The following POFUT3 variants were observed in gnomAD, a reference collection of about 807,000 sequenced individuals.
POFUT3 encodes the protein GDP-fucose protein O-fucosyltransferase 3.
the POFUT3 span, among the ~76,000 whole-genome samples, chr8:33,402,991 G>A: frequency 6.6e-6 from 1 of 151,830 alleles, no homozygotes; most frequent in Non-Finnish European, 1.5e-5. Context: ...AGCCCAGGAG[G>A]CAGAGGTTAC....
chr8:33,436,147 T>C, the POFUT3 span: 3 of 1,228,744 alleles, frequency 2.4e-6, no homozygotes, highest in East Asian at 6.4e-5. Flanking sequence ...AGGTCTCAAC[T>C]TAGCAAGGTA....
the POFUT3 span, among the ~76,000 whole-genome samples, chr8:33,414,321 G>A: frequency 6.6e-6 from 1 of 152,002 alleles, no homozygotes; most frequent in African/African-American, 2.4e-5. Flanking sequence ...ACCTCCCCCA[G>A]AGCTCAGAGG....
the POFUT3 span, among the ~76,000 whole-genome samples, chr8:33,374,471 AATGAAACGTG>A: frequency 2.7e-4 from 41 of 152,200 alleles, no homozygotes; most frequent in South Asian, 4.1e-4. Context: ...GGAGGAGACT[AATGAAACGTG>A]ATGGTTTAAT....
the POFUT3 span, among the ~76,000 whole-genome samples, chr8:33,449,934 T>C: frequency 2.0e-3 from 228 of 112,816 alleles, no homozygotes; most frequent in African/African-American, 7.0e-3. Flanking sequence ...ATGAAGCTTT[T>C]CTTTTTTTTT....
the POFUT3 span, among the ~76,000 whole-genome samples, chr8:33,349,428 A>T: frequency 6.6e-6 from 1 of 152,040 alleles, no homozygotes; most frequent in Admixed American, 6.6e-5. Flanking sequence ...TTTATCCTTC[A>T]CACCCCTCCT....
chr8:33,357,434 A>G, the POFUT3 span, among the ~76,000 whole-genome samples: 1 of 151,904 alleles, frequency 6.6e-6, no homozygotes, highest in Non-Finnish European at 1.5e-5. Flanking sequence ...CAGAGAGAAA[A>G]CTAAAAAAAT....
the POFUT3 span, among the ~76,000 whole-genome samples, chr8:33,348,560 G>C: frequency 6.6e-6 from 1 of 152,190 alleles, no homozygotes; most frequent in Non-Finnish European, 1.5e-5. Flanking sequence ...TTCCACATTG[G>C]TGTATAACCT....
the POFUT3 span, among the ~76,000 whole-genome samples, chr8:33,423,213 C>G: frequency 1.3e-5 from 2 of 152,084 alleles, no homozygotes; most frequent in Non-Finnish European, 2.9e-5. Flanking sequence ...AACACTTTGA[C>G]CAAAAACCCT....
the POFUT3 span, among the ~76,000 whole-genome samples, chr8:33,355,931 T>C: frequency 6.6e-6 from 1 of 152,168 alleles, no homozygotes; most frequent in Non-Finnish European, 1.5e-5. Flanking sequence ...GTTTGGATTT[T>C]TGTTCTTGCG....
At chr8:33,346,508 TTC>T in the POFUT3 span, among the ~76,000 whole-genome samples, 4 of 152,256 alleles carry the variant, frequency 2.6e-5, no homozygotes, top group African/African-American at 4.8e-5. Flanking sequence ...TTTGGAATCA[TTC>T]TGTTTCTTTT....
the POFUT3 span, among the ~76,000 whole-genome samples, chr8:33,419,793 T>C: frequency 6.6e-6 from 1 of 151,932 alleles, no homozygotes; most frequent in Non-Finnish European, 1.5e-5. Context: ...TGTTAGGTCA[T>C]TTATTTAAAC....
At chr8:33,460,399 G>A in the POFUT3 span, among the ~76,000 whole-genome samples, 210 of 152,148 alleles carry the variant, frequency 1.4e-3, 1 homozygote, top group African/African-American at 5.0e-3. Context: ...AATGAAGTTC[G>A]GAATAACTGA....
At chr8:33,380,004 C>CTA in the POFUT3 span, among the ~76,000 whole-genome samples, 3 of 73,270 alleles carry the variant, frequency 4.1e-5, no homozygotes, top group Non-Finnish European at 6.8e-5. Context: ...TATATATATA[C>CTA]TATATATATA....
At chr8:33,405,488 C>CAAA in the POFUT3 span, among the ~76,000 whole-genome samples, 1 of 136,874 alleles carries the variant, frequency 7.3e-6, no homozygotes, top group African/African-American at 2.6e-5. Context: ...TTATTCTTTA[C>CAAA]AAAAAAAAAA....
At chr8:33,357,563 T>C in the POFUT3 span, among the ~76,000 whole-genome samples, 1 of 151,976 alleles carries the variant, frequency 6.6e-6, no homozygotes, top group South Asian at 2.1e-4. Context: ...TACATATATA[T>C]GTGTATATAT....
At chr8:33,428,623 A>G in the POFUT3 span, among the ~76,000 whole-genome samples, 1 of 151,604 alleles carries the variant, frequency 6.6e-6, no homozygotes, top group African/African-American at 2.4e-5. Context: ...GTGTCTCCCA[A>G]AAAGCATGTG....
chr8:33,323,462 C>T, the POFUT3 span, among the ~76,000 whole-genome samples: 47 of 152,262 alleles, frequency 3.1e-4, no homozygotes, highest in African/African-American at 1.1e-3. Flanking sequence ...TTCAACACAG[C>T]GATGTTCCTA....
chr8:33,360,897 G>A, the POFUT3 span: 2 of 152,152 alleles, frequency 1.3e-5, no homozygotes, highest in African/African-American at 2.4e-5. Flanking sequence ...GATGGAAGTG[G>A]TTCATCACTT....
the POFUT3 span, among the ~76,000 whole-genome samples, chr8:33,357,542 GTATA>G: frequency 1.3e-5 from 2 of 150,528 alleles, no homozygotes; most frequent in Admixed American, 1.3e-4. Context: ...ATATATGTGT[GTATA>G]TATATATACA....
Sources: allele counts gnomAD v4.1 joint callset (sites outside exome capture counted in the v4.1 genomes callset), GRCh38; gene constraint gnomAD v4.1.1; transcripts MANE v1.5; gene names NCBI Gene and HGNC (gene_info 2026-07-23, HGNC 2026-07-21).